NCAPG2: variants seen among roughly 807,000 people sequenced by gnomAD.
NCAPG2 encodes non-SMC condensin II complex subunit G2.
A neutral mutation model predicts 141.1 loss-of-function variants in NCAPG2; 53 were observed. That is an observed-to-expected ratio of 0.38 (90% CI 0.30 to 0.47). NCAPG2 has a LOEUF of 0.47. Among genes scored for constraint, NCAPG2 ranks in the 20% least tolerant of loss-of-function variants. The pLI, the probability that NCAPG2 is intolerant of heterozygous loss-of-function variation, is 0.99. For synonymous variants in NCAPG2, 499 were observed against 490.7 expected (o/e 1.02, Z -0.22); for missense variants, 1,087 against 1,389.0 (o/e 0.78, Z 3.46).
chr7:158,671,989 A>G (rs1397920456), intron 12 of NCAPG2, among the ~76,000 whole-genome samples: 2 of 152,146 alleles, frequency 1.3e-5, no homozygotes, highest in African/African-American at 2.4e-5. Flanking sequence ...GAAACACAGA[A>G]TAACTACTGG....
chr7:158,688,696 T>C (rs1217588821), intron 6 of NCAPG2, among the ~76,000 whole-genome samples: 6 of 152,208 alleles, frequency 3.9e-5, no homozygotes, highest in Non-Finnish European at 8.8e-5. Flanking sequence ...GTTGCTCCTA[T>C]TTTACAGAAC....
chr7:158,693,445 C>T lies in NCAPG2; in HGVS notation c.131G>A (p.Arg44Lys), dbSNP rs1465217791. The T allele has an allele frequency of 6.2e-7, 1 of 1,613,858 alleles. No homozygotes were observed. The highest frequency in any genetic ancestry group is 1.7e-5 in the Admixed American group (1 of 59,990). ...SLNELLDELS[R>K]KQKEELWQRL... ...TTGCCATAATTCTTCTTTCTGTTTC[C>T]TTGATAATTCATCTAGTAATTCATT... Residue 44 changes from arginine to lysine, a missense_variant, in exon 3 of 28, where the codon AGG (arginine) becomes AAG (lysine). By Grantham distance (26) the Arg-to-Lys change is conservative. Transcript: ENST00000356309.
chr7:158,640,699 A>C (rs1338935593), intron 27 of NCAPG2: 1 of 152,222 alleles, frequency 6.6e-6, no homozygotes. Context: ...GCCTTGAAAG[A>C]AGCATTAAAA....
chr7:158,639,752 A>T (rs1830511504), intron 27 of NCAPG2: 6 of 691,388 alleles, frequency 8.7e-6, no homozygotes, highest in African/African-American at 1.9e-5. Context: ...TGAGAGCAAA[A>T]CTGGTAGAGG....
intron 11 of NCAPG2, among the ~76,000 whole-genome samples, chr7:158,676,671 T>C (rs1834069799): frequency 6.6e-6 from 1 of 152,344 alleles, no homozygotes; most frequent in South Asian, 2.1e-4. Context: ...AAAACTGTGT[T>C]GTGGGCACAC....
intron 4 of NCAPG2, 22 bp downstream of exon 4, chr7:158,692,820 A>G (rs760846952): frequency 1.5e-6 from 2 of 1,344,948 alleles, no homozygotes; most frequent in East Asian, 4.6e-5. Flanking sequence ...TAAATATGCC[A>G]TTTATAACAA....
At chr7:158,685,003 G>C (rs578168197) in intron 8 of NCAPG2, among the ~76,000 whole-genome samples, 1 of 152,362 alleles carries the variant, frequency 6.6e-6, no homozygotes, top group South Asian at 2.1e-4. Context: ...TCAGTGCAGG[G>C]CCTGCTCTCC....
intron 2 of NCAPG2, 64 bp from the exon 3 acceptor site, chr7:158,693,561 T>A: frequency 7.1e-7 from 1 of 1,402,530 alleles, no homozygotes. Context: ...CTTTTCATAA[T>A]GTCATCAAAA....
intron 8 of NCAPG2, among the ~76,000 whole-genome samples, chr7:158,684,437 A>G (rs1422458504): frequency 6.6e-6 from 1 of 152,274 alleles, no homozygotes; most frequent in Non-Finnish European, 1.5e-5. Context: ...TCCTAATTCA[A>G]AAAAACTCTA....
chr7:158,634,804 A>G (rs6972008), intron 27 of NCAPG2, among the ~76,000 whole-genome samples: 85,736 of 152,076 alleles, frequency 0.56, 24,591 homozygotes, highest in Non-Finnish European at 0.6. Flanking sequence ...AGAATTGAAC[A>G]CACTATGTAA....
chr7:158,702,565 C>T (rs2129469905), intron 1 of NCAPG2, among the ~76,000 whole-genome samples: 2 of 152,292 alleles, frequency 1.3e-5, no homozygotes, highest in African/African-American at 4.8e-5. Flanking sequence ...ATTTCGCATT[C>T]ACAATACCTG....
intron 13 of NCAPG2, chr7:158,667,232 G>A (rs1397275780): frequency 1.0e-5 from 10 of 985,346 alleles, no homozygotes; most frequent in Middle Eastern, 5.2e-4. Context: ...CTGCTCTGGC[G>A]CCCAAACTTC....
chr7:158,695,123 A>G (rs1835369622), intron 2 of NCAPG2, among the ~76,000 whole-genome samples: 1 of 152,334 alleles, frequency 6.6e-6, no homozygotes, highest in African/African-American at 2.4e-5. Flanking sequence ...TGCTGGGGTC[A>G]TTCATCTGGG....
At chr7:158,664,487 G>A in intron 14 of NCAPG2, 41 bp downstream of exon 14, 1 of 1,590,746 alleles carries the variant, frequency 6.3e-7, no homozygotes, top group Non-Finnish European at 8.6e-7. Context: ...TGCTTTTGGG[G>A]GAAAACATAA....
chr7:158,684,851 C>G (rs909868165), intron 8 of NCAPG2, among the ~76,000 whole-genome samples: 1 of 152,224 alleles, frequency 6.6e-6, no homozygotes, highest in Non-Finnish European at 1.5e-5. Context: ...CCACGCCCAG[C>G]CTATTTTTTA....
intron 27 of NCAPG2, among the ~76,000 whole-genome samples, chr7:158,632,703 G>A (rs537919927): frequency 3.5e-4 from 54 of 152,298 alleles, no homozygotes; most frequent in African/African-American, 1.2e-3. Flanking sequence ...AGTCACATGC[G>A]TCATTTTACA....
At chr7:158,673,225 G>A (rs547939382) in intron 12 of NCAPG2, among the ~76,000 whole-genome samples, 2 of 152,338 alleles carry the variant, frequency 1.3e-5, no homozygotes, top group South Asian at 2.1e-4. Context: ...AGGAGAAAGA[G>A]GAGCAAGGGG....
intron 4 of NCAPG2, among the ~76,000 whole-genome samples, chr7:158,692,638 G>A (rs1208666928): frequency 6.6e-6 from 1 of 152,242 alleles, no homozygotes; most frequent in Non-Finnish European, 1.5e-5. Flanking sequence ...CTACTAGGGA[G>A]GCTGAGGCAA....
At chr7:158,638,036 C>T (rs566545362) in intron 27 of NCAPG2, among the ~76,000 whole-genome samples, 2 of 152,156 alleles carry the variant, frequency 1.3e-5, no homozygotes, top group South Asian at 2.1e-4. Context: ...CCCAGCTACT[C>T]GGGAGGCTGA....
Sources: gnomAD v4.1 joint callset for allele counts (sites outside exome capture counted in the v4.1 genomes callset) on GRCh38, gnomAD v4.1.1 for gene constraint, MANE v1.5 for transcripts, NCBI Gene and HGNC (gene_info 2026-07-23, HGNC 2026-07-21) for gene names.